TSC22D1: variants seen among roughly 807,000 people sequenced by gnomAD.
The protein encoded by TSC22D1 is TSC22 domain family protein 1.
TSC22D1 carries 9 observed loss-of-function variants against 74.2 expected under a neutral mutation model. The ratio of observed to expected loss-of-function variants is 0.12; its 90% confidence interval spans 0.07 to 0.21. The LOEUF (loss-of-function observed/expected upper bound fraction) is 0.21. TSC22D1 is among the 10% of genes least tolerant of loss of function. TSC22D1 has a pLI of 1.00. For missense variants in TSC22D1, 1,427 were observed against 1,304.7 expected (o/e 1.09, Z -1.44); for synonymous variants, 586 against 492.5 (o/e 1.19, Z -2.51).
At chr13:44,516,278 T>G in intron 1 of TSC22D1, 1 of 424,038 alleles carries the variant, frequency 2.4e-6, no homozygotes, top group Admixed American at 2.8e-5. Flanking sequence ...CGCTGAATGG[T>G]GAGAAAGCAC....
intron 1 of TSC22D1, among the ~76,000 whole-genome samples, chr13:44,543,255 T>C (rs1242549788): frequency 1.3e-5 from 2 of 152,198 alleles, no homozygotes; most frequent in Non-Finnish European, 1.5e-5. Context: ...GAAATGAGCA[T>C]ACACAGCTTA....
At chr13:44,477,555 G>A (rs1185884159) in intron 1 of TSC22D1, among the ~76,000 whole-genome samples, 1 of 151,548 alleles carries the variant, frequency 6.6e-6, no homozygotes, top group Non-Finnish European at 1.5e-5. Flanking sequence ...ATCACTCTTT[G>A]GATCTCAGGA....
Position 44,517,829 on chromosome 13 carries a change from G to GTA in TSC22D1, c.2912+55332_2912+55333dup, listed in dbSNP as rs1555269397. Among the ~76,000 whole-genome samples the GTA allele has an allele frequency of 2.9e-3, 41 of 14,132 alleles. 1 individual carries two copies. The highest frequency in any genetic ancestry group is 0.017 in the South Asian group (5 of 302). 9.3% of individuals were successfully genotyped at this position (14,132 alleles called of 152,430 possible). ...CATATATATGTGTGTGTGTGTGTGT[G>GTA]TATATATATATATATATATATATAT... is the stretch of plus-strand genomic sequence containing the variant. On this transcript the variant is annotated intron_variant, in intron 1 of 2. Coordinates refer to ENST00000458659, the MANE Select transcript of TSC22D1 (RefSeq NM_183422.4).
At chr13:44,504,472 C>T (rs1879352208) in intron 1 of TSC22D1, among the ~76,000 whole-genome samples, 1 of 151,980 alleles carries the variant, frequency 6.6e-6, no homozygotes, top group Non-Finnish European at 1.5e-5. Context: ...GACGTGGTGG[C>T]TTGCGCCTGT....
At chr13:44,491,837 G>A (rs956819640) in intron 1 of TSC22D1, among the ~76,000 whole-genome samples, 10 of 152,130 alleles carry the variant, frequency 6.6e-5, no homozygotes, top group African/African-American at 2.4e-4. Context: ...ATTGATGGTA[G>A]GAAAGCAAAG....
At chr13:44,494,126 A>G (rs535568861) in intron 1 of TSC22D1, among the ~76,000 whole-genome samples, 2 of 152,114 alleles carry the variant, frequency 1.3e-5, no homozygotes, top group Admixed American at 1.3e-4. Flanking sequence ...CTCTAATCCC[A>G]GCACTTTGGG....
chr13:44,436,035 A>G lies in TSC22D1; in HGVS notation c.2964+9T>C, dbSNP rs1874584722. On this transcript the variant is annotated intron_variant, in intron 2 of 2. Coordinates refer to ENST00000458659, the MANE Select transcript of TSC22D1 (RefSeq NM_183422.4). ...CATTTAGTATAAATGATTTTTCATCAGTACATACCATAGCTTGCTCGATTT... is the reference window on the plus strand; with the variant it reads ...CATTTAGTATAAATGATTTTTCATCGGTACATACCATAGCTTGCTCGATTT... The G allele has an allele frequency of 6.8e-6, 11 of 1,613,256 alleles. No homozygotes were observed. The highest frequency in any genetic ancestry group is 8.5e-6 in the Non-Finnish European group (10 of 1,179,388).
intron 1 of TSC22D1, among the ~76,000 whole-genome samples, chr13:44,517,843 ATATATATATATATAT>A (rs1880104142): frequency 4.5e-5 from 1 of 22,298 alleles, no homozygotes; most frequent in Non-Finnish European, 1.7e-4. Flanking sequence ...ATATATATAT[ATATATATATATATAT>A]TTTTTTTTTT....
intron 1 of TSC22D1, among the ~76,000 whole-genome samples, chr13:44,445,328 C>CA (rs34720179): frequency 0.48 from 68,549 of 141,692 alleles, 16,398 homozygotes; most frequent in Middle Eastern, 0.59. Flanking sequence ...GGAACAACTG[C>CA]AAAAAAAAAA....
chr13:44,557,377 C>T (rs1021870920), intron 1 of TSC22D1, among the ~76,000 whole-genome samples: 3 of 152,212 alleles, frequency 2.0e-5, no homozygotes, highest in African/African-American at 7.2e-5. Context: ...AGGAGAATTG[C>T]TTGAACCTGC....
chr13:44,534,514 T>C (rs1474565503), intron 1 of TSC22D1, among the ~76,000 whole-genome samples: 1 of 152,164 alleles, frequency 6.6e-6, no homozygotes, highest in Non-Finnish European at 1.5e-5. Flanking sequence ...AGTCCTAATC[T>C]ATTTTCCTAT....
intron 1 of TSC22D1, among the ~76,000 whole-genome samples, chr13:44,449,921 G>T (rs1359379908): frequency 1.3e-5 from 2 of 152,150 alleles, no homozygotes; most frequent in Admixed American, 6.5e-5. Context: ...GAAAGGCCAG[G>T]AACTTTAGGC....
intron 1 of TSC22D1, among the ~76,000 whole-genome samples, chr13:44,509,950 C>CAAAAAAAAAAAAAAAAAAAAAAT: frequency 1.4e-4 from 7 of 51,434 alleles, no homozygotes; most frequent in Middle Eastern, 0.022. Flanking sequence ...AGAAAATAAG[C>CAAAAAAAAAAAAAAAAAAAAAAT]AAAAAAAAAA....
In TSC22D1 at chr13:44,574,527, G is replaced by A; in HGVS notation, c.1548C>T (p.Thr516=). The A allele has an allele frequency of 1.2e-6, 2 of 1,614,076 alleles. No homozygotes were observed. The highest frequency in any genetic ancestry group is 1.3e-5 in the African/African-American group (1 of 75,004). Residue 516 remains threonine, a synonymous_variant, in exon 1 of 3, where the codon ACC becomes ACT. Transcript: ENST00000458659. ...TGCTACCAAAATCCATCTGTTGGAG[G>A]GTCACACCTTGGAGAGCTGGTTGTT... ...QQQQPALQGV[T]LQQMDFGSTG...
chr13:44,501,721 A>C (rs1379675334), intron 1 of TSC22D1, among the ~76,000 whole-genome samples: 1 of 152,246 alleles, frequency 6.6e-6, no homozygotes, highest in Non-Finnish European at 1.5e-5. Flanking sequence ...AGCTAAACTT[A>C]AGAAGCATAT....
Position 44,575,059 on chromosome 13 carries a change from C to T in TSC22D1, c.1016G>A (p.Ser339Asn). The change falls in exon 1 of 3, where the codon AGT (serine) becomes AAT (asparagine). Residue 339 changes from serine to asparagine, a missense_variant. Coordinates refer to ENST00000458659, the MANE Select transcript of TSC22D1 (RefSeq NM_183422.4). The part of the protein sequence containing the change: ...TSSMLGNVNI[S>N]TSNIPSAAGV... ...AGCAGCACTAGGAATATTGCTTGTACTTATATTAACATTACCAAGCATGCT... is the reference window on the plus strand; with the variant it reads ...AGCAGCACTAGGAATATTGCTTGTATTTATATTAACATTACCAAGCATGCT... 3 of 1,614,164 alleles carry T rather than the reference C, an allele frequency of 1.9e-6. No homozygotes were observed. The highest frequency in any genetic ancestry group is 2.2e-5 in the South Asian group (2 of 91,076).
chr13:44,557,606 C>A (rs748453914), intron 1 of TSC22D1, among the ~76,000 whole-genome samples: 204 of 152,154 alleles, frequency 1.3e-3, no homozygotes, highest in Non-Finnish European at 2.5e-3. Context: ...GGAAAATTAT[C>A]ACTTTCTTGT....
Position 44,573,977 on chromosome 13 carries a change from C to T in TSC22D1, c.2098G>A (p.Ala700Thr). ...QGIQLPVQPTAVPAQPAGASV... is the reference protein window; with the variant it reads ...QGIQLPVQPTTVPAQPAGASV... ...GCCCCTGCAGGTTGTGCTGGGACTG[C>T]TGTGGGCTGCACTGGCAGCTGGATA... The change falls in exon 1 of 3, where the codon GCA (alanine) becomes ACA (threonine). Residue 700 changes from alanine to threonine, a missense_variant. Transcript: ENST00000458659. The T allele has an allele frequency of 1.2e-6, 2 of 1,614,056 alleles. No homozygotes were observed. Among genetic ancestry groups the T allele is most frequent in the Non-Finnish European group, 1.7e-6 (2 of 1,180,036 alleles).
At chr13:44,509,127 G>A (rs776273016) in intron 1 of TSC22D1, among the ~76,000 whole-genome samples, 12 of 152,000 alleles carry the variant, frequency 7.9e-5, no homozygotes, top group African/African-American at 2.2e-4. Context: ...TACCCAGTGC[G>A]CTTCCACACT....
Sources: gnomAD v4.1 joint callset for allele counts (sites outside exome capture counted in the v4.1 genomes callset) on GRCh38, gnomAD v4.1.1 for gene constraint, MANE v1.5 for transcripts, NCBI Gene and HGNC (gene_info 2026-07-23, HGNC 2026-07-21) for gene names.